ADCY9: variants seen among roughly 807,000 people sequenced by gnomAD.
ADCY9 encodes adenylate cyclase type 9.
Under a neutral mutation model 101.5 loss-of-function variants are expected in ADCY9, and 50 were observed. That is an observed-to-expected ratio of 0.49 (90% confidence interval 0.39 to 0.62). ADCY9 has a LOEUF of 0.62. Ranked by LOEUF, ADCY9 falls within the 20% of genes least tolerant of loss-of-function variation. The pLI, the probability that ADCY9 is intolerant of heterozygous loss-of-function variation, is 0.00. For synonymous variants in ADCY9, 905 were observed against 769.3 expected (o/e 1.18, Z -2.92); for missense variants, 1,662 against 1,800.4 (o/e 0.92, Z 1.39).
At chr16:3,976,086 G>A (rs937028986) in intron 9 of ADCY9, among the ~76,000 whole-genome samples, 1 of 152,148 alleles carries the variant, frequency 6.6e-6, no homozygotes, top group Non-Finnish European at 1.5e-5. Flanking sequence ...CCGCCTCCCA[G>A]GGTCAACCAA....
At chr16:4,033,623 G>A (rs1770638805) in intron 2 of ADCY9, among the ~76,000 whole-genome samples, 2 of 151,970 alleles carry the variant, frequency 1.3e-5, no homozygotes, top group African/African-American at 2.4e-5. Context: ...CACCATGGTG[G>A]CCAGGATGGT....
intron 2 of ADCY9, among the ~76,000 whole-genome samples, chr16:4,044,952 A>G (rs113813732): frequency 0.054 from 8,163 of 152,218 alleles, 774 homozygotes; most frequent in African/African-American, 0.19. Flanking sequence ...CCAACTCTTT[A>G]CGAGATGAGG....
At chr16:4,007,642 C>G in intron 2 of ADCY9, 84 bp from the exon 3 acceptor site, 1 of 1,179,314 alleles carries the variant, frequency 8.5e-7, no homozygotes, top group Non-Finnish European at 1.2e-6. Context: ...CTGGAGAGGA[C>G]TCACTCCTGG....
chr16:4,089,921 A>C (rs1156295586), intron 2 of ADCY9, among the ~76,000 whole-genome samples: 1 of 151,996 alleles, frequency 6.6e-6, no homozygotes, highest in East Asian at 1.9e-4. Context: ...AACCCCCCTT[A>C]ATCCTGGGTA....
intron 2 of ADCY9, among the ~76,000 whole-genome samples, chr16:4,018,593 G>A (rs1372177095): frequency 6.6e-6 from 1 of 152,188 alleles, no homozygotes; most frequent in Admixed American, 6.6e-5. Context: ...GGGAAATGTG[G>A]ATCCAGGCTG....
chr16:3,984,437 G>A (rs548292906), intron 6 of ADCY9, among the ~76,000 whole-genome samples: 13 of 152,280 alleles, frequency 8.5e-5, no homozygotes, highest in South Asian at 2.1e-4. Context: ...ATGCTGACAC[G>A]TCCAAGAGGT....
At position 4,087,060 on chromosome 16, in the gene ADCY9, G is replaced by A. The variant is rs145103752; in HGVS notation, c.1693+26690C>T. Reference sequence around the variant, plus strand: ...GAACCCTATTCCATTCTGATACTGCGCCCTACATCCCAACAAGTTATGTCT... The same window carrying A: ...GAACCCTATTCCATTCTGATACTGCACCCTACATCCCAACAAGTTATGTCT... On this transcript the variant is annotated intron_variant, in intron 2 of 10. Transcript: ENST00000294016. Among the ~76,000 whole-genome samples, 34 of 151,946 alleles carry A rather than the reference G, an allele frequency of 2.2e-4. No individual in the cohort carries two copies. The East Asian group carries it at 6.0e-3, about 27-fold the overall frequency.
chr16:4,112,376 T>C (rs971342096), intron 2 of ADCY9, among the ~76,000 whole-genome samples: 1 of 152,176 alleles, frequency 6.6e-6, no homozygotes, highest in African/African-American at 2.4e-5. Context: ...GCAAAGTTAG[T>C]AAAATAAAGA....
intron 5 of ADCY9, among the ~76,000 whole-genome samples, chr16:3,991,767 A>ATT (rs2056246139): frequency 7.9e-6 from 1 of 126,360 alleles, no homozygotes. Context: ...TCCTTATAAA[A>ATT]AAAAAAAAAA....
At chr16:4,005,073 G>T (rs932190471) in intron 3 of ADCY9, among the ~76,000 whole-genome samples, 1 of 152,016 alleles carries the variant, frequency 6.6e-6, no homozygotes, top group Admixed American at 6.6e-5. Context: ...TGTGCTCAAA[G>T]AGGCCTGAGA....
At chr16:4,002,099 C>CAT (rs2056335085) in intron 3 of ADCY9, among the ~76,000 whole-genome samples, 1 of 152,096 alleles carries the variant, frequency 6.6e-6, no homozygotes, top group South Asian at 2.1e-4. Context: ...ATTTGCAAAG[C>CAT]ATATAATGCA....
At chr16:4,028,854 G>A (rs748063183) in intron 2 of ADCY9, among the ~76,000 whole-genome samples, 11 of 151,374 alleles carry the variant, frequency 7.3e-5, no homozygotes, top group South Asian at 2.1e-4. Flanking sequence ...GCGCGATCTC[G>A]GCTCACTGCA....
chr16:4,085,924 G>C (rs1313848226), intron 2 of ADCY9, among the ~76,000 whole-genome samples: 1 of 151,838 alleles, frequency 6.6e-6, no homozygotes, highest in African/African-American at 2.4e-5. Flanking sequence ...GTTCAGGGTG[G>C]TGTGCGGACA....
chr16:4,048,394 T>C (rs1179525809), intron 2 of ADCY9, among the ~76,000 whole-genome samples: 2 of 152,226 alleles, frequency 1.3e-5, no homozygotes, highest in East Asian at 3.9e-4. Flanking sequence ...CACAACAGTT[T>C]ATTCCTGGGT....
chr16:3,990,663 C>T (rs112430647), intron 5 of ADCY9, among the ~76,000 whole-genome samples: 2,756 of 152,260 alleles, frequency 0.018, 75 homozygotes, highest in African/African-American at 0.061. Context: ...GACACTGACC[C>T]TCTCTCCTCC....
At chr16:3,967,006 C>A (rs2056005202) in intron 10 of ADCY9, 40 bp from the exon 11 acceptor site, 2 of 1,548,812 alleles carry the variant, frequency 1.3e-6, no homozygotes, top group Non-Finnish European at 1.8e-6. Context: ...GGTTACTGCT[C>A]GGCGCTTCCA....
At chr16:3,960,930 T>C (rs79952920), downstream of ADCY9, among the ~76,000 whole-genome samples, 3,515 of 152,346 alleles carry the variant, frequency 0.023, 130 homozygotes, top group African/African-American at 0.078. Context: ...CGCTTCCTCT[T>C]GGCTTTCTCC....
chr16:4,042,144 C>T (rs34342028), intron 2 of ADCY9, among the ~76,000 whole-genome samples: 22,740 of 151,720 alleles, frequency 0.15, 2,000 homozygotes, highest in African/African-American at 0.24. Flanking sequence ...AGGCTGGTCT[C>T]AAACTCCTGA....
At chr16:3,996,374 A>T (rs1376872359) in intron 3 of ADCY9, among the ~76,000 whole-genome samples, 1 of 152,212 alleles carries the variant, frequency 6.6e-6, no homozygotes, top group South Asian at 2.1e-4. Flanking sequence ...ATACATATAT[A>T]TATGTATAAA....
Sources: allele counts gnomAD v4.1 joint callset (sites outside exome capture counted in the v4.1 genomes callset), GRCh38; gene constraint gnomAD v4.1.1; transcripts MANE v1.5; gene names NCBI Gene and HGNC (gene_info 2026-07-23, HGNC 2026-07-21).